Variants in NNT observed in about 807,000 individuals in gnomAD.
NNT encodes nicotinamide nucleotide transhydrogenase.
NNT carries 50 observed loss-of-function variants against 104.8 expected under a neutral mutation model. That is an observed-to-expected ratio of 0.48 (90% CI 0.38 to 0.60). The LOEUF is 0.60. Ranked by LOEUF, NNT falls within the 20% of genes least tolerant of loss-of-function variation. The pLI is 0.00. For missense variants in NNT, 1,131 were observed against 1,330.7 expected (o/e 0.85, Z 2.33); for synonymous variants, 461 against 490.4 (o/e 0.94, Z 0.79).
intron 7 of NNT, 22 bp from the exon 8 acceptor site, chr5:43,644,170 C>T (rs1388585550): frequency 2.5e-6 from 4 of 1,582,578 alleles, no homozygotes; most frequent in East Asian, 2.2e-5. Context: ...ACAAATTGTG[C>T]TGCTTTCTTT....
chr5:43,690,011 G>C (rs1450999898), intron 19 of NNT, among the ~76,000 whole-genome samples: 1 of 152,000 alleles, frequency 6.6e-6, no homozygotes, highest in Non-Finnish European at 1.5e-5. Context: ...CAAGAAGTTT[G>C]GAACTATATT....
At chr5:43,604,494 C>T (rs149862147) in intron 1 of NNT, among the ~76,000 whole-genome samples, 3 of 152,104 alleles carry the variant, frequency 2.0e-5, no homozygotes, top group African/African-American at 7.2e-5. Flanking sequence ...GGAAATTTTC[C>T]GAAAATCCTT....
At chr5:43,680,833 C>T (rs771444252) in intron 19 of NNT, among the ~76,000 whole-genome samples, 5 of 152,080 alleles carry the variant, frequency 3.3e-5, no homozygotes, top group Non-Finnish European at 7.4e-5. Context: ...GCTTACCTAA[C>T]TTCTGCTTGA....
At chr5:43,637,332 G>A (rs1580010522) in intron 7 of NNT, among the ~76,000 whole-genome samples, 1 of 152,186 alleles carries the variant, frequency 6.6e-6, no homozygotes, top group Non-Finnish European at 1.5e-5. Context: ...ATTCTCACAT[G>A]CATACATATA....
intron 7 of NNT, among the ~76,000 whole-genome samples, chr5:43,633,034 G>T (rs1333164356): frequency 1.3e-5 from 2 of 152,158 alleles, no homozygotes; most frequent in Non-Finnish European, 2.9e-5. Context: ...TGGAGCACAT[G>T]CTAAGTCCTA....
intron 17 of NNT, among the ~76,000 whole-genome samples, chr5:43,661,681 ATAGTT>A (rs1442054586): frequency 2.7e-5 from 4 of 149,468 alleles, no homozygotes; most frequent in African/African-American, 9.9e-5. Context: ...TGTTCTTGTG[ATAGTT>A]TACTGAGAAT....
intron 7 of NNT, among the ~76,000 whole-genome samples, chr5:43,630,936 TATGA>T (rs1365227416): frequency 6.6e-6 from 1 of 152,168 alleles, no homozygotes; most frequent in Non-Finnish European, 1.5e-5. Context: ...GTCATGAGGC[TATGA>T]AAGAGGAGAA....
At chr5:43,646,334 G>A (rs1210130218) in intron 10 of NNT, among the ~76,000 whole-genome samples, 7 of 152,094 alleles carry the variant, frequency 4.6e-5, no homozygotes, top group Non-Finnish European at 1.0e-4. Flanking sequence ...TGCTCAGGTA[G>A]GAGTGCAGTG....
chr5:43,621,590 C>T (rs550888045), intron 5 of NNT, among the ~76,000 whole-genome samples: 1 of 151,700 alleles, frequency 6.6e-6, no homozygotes, highest in African/African-American at 2.4e-5. Context: ...GGCAGGGTCT[C>T]ACTCTGCCTG....
At position 43,665,441 on chromosome 5, in the gene NNT, C is replaced by G. The variant is rs527962874; in HGVS notation, c.2634+6091C>G. 1.2e-4 allele frequency among the ~76,000 whole-genome samples: 18 copies of G among 151,984 alleles called. No individual in the cohort carries two copies. The Middle Eastern group carries it at 0.01, about 86-fold the overall frequency. Reference sequence around the variant, plus strand: ...ATTAGGGAGTGGTGATGACTCTTAACGAGCATGCTGCCTTCAAGCATCTGT... The same window carrying G: ...ATTAGGGAGTGGTGATGACTCTTAAGGAGCATGCTGCCTTCAAGCATCTGT... On this transcript the variant is annotated intron_variant, in intron 17 of 21. Coordinates refer to ENST00000344920, the MANE Select transcript of NNT (RefSeq NM_182977.3).
intron 10 of NNT, among the ~76,000 whole-genome samples, chr5:43,647,152 T>G (rs1235088794): frequency 6.6e-6 from 1 of 152,202 alleles, no homozygotes; most frequent in Non-Finnish European, 1.5e-5. Context: ...GTTTTAAAGC[T>G]AAACATGTAA....
At chr5:43,615,454 G>A (rs1488485073) in intron 3 of NNT, among the ~76,000 whole-genome samples, 1 of 152,216 alleles carries the variant, frequency 6.6e-6, no homozygotes, top group Non-Finnish European at 1.5e-5. Flanking sequence ...CTTGCTTGAA[G>A]GATTGAACAC....
upstream of NNT, chr5:43,602,873 T>G (rs575370584): frequency 6.6e-6 from 1 of 152,554 alleles, no homozygotes; most frequent in Admixed American, 6.5e-5. Context: ...AAACTTCAGC[T>G]GCCGCGTTTG....
intron 6 of NNT, among the ~76,000 whole-genome samples, 166 bp downstream of exon 6, chr5:43,624,286 A>G (rs2111654437): frequency 6.6e-6 from 1 of 152,342 alleles, no homozygotes; most frequent in Non-Finnish European, 1.5e-5. Context: ...CAAAGTGAAA[A>G]TGTATTACTT....
At chr5:43,615,771 A>T in intron 3 of NNT, 77 bp from the exon 4 acceptor site, 1 of 1,066,566 alleles carries the variant, frequency 9.4e-7, no homozygotes, top group Non-Finnish European at 1.4e-6. Flanking sequence ...ATGGCATATT[A>T]TCTAAGTTTT....
Position 43,704,987 on chromosome 5 carries a change from C to T in NNT, c.*583C>T, listed in dbSNP as rs1743041601. 6 of 152,222 alleles carry T rather than the reference C, an allele frequency of 3.9e-5. No homozygotes were observed. The highest frequency in any genetic ancestry group is 3.9e-4 in the Admixed American group (6 of 15,264). 9.4% of individuals were successfully genotyped at this position (152,222 alleles called of 1,614,324 possible). ...ATTTCAAGGGCACATTTTCTCACTA[C>T]TATTTTAATACATTAAAGGACTAAA... On this transcript the variant is annotated 3_prime_UTR_variant, in exon 22 of 22. Transcript: ENST00000344920.
intron 10 of NNT, 128 bp from the exon 11 acceptor site, chr5:43,649,019 C>T: frequency 1.6e-5 from 17 of 1,056,126 alleles, no homozygotes; most frequent in Non-Finnish European, 2.3e-5. Context: ...TCTAAAAAAT[C>T]TGCTCATTAC....
intron 17 of NNT, among the ~76,000 whole-genome samples, chr5:43,671,238 A>G (rs1200696629): frequency 2.0e-5 from 3 of 152,124 alleles, no homozygotes; most frequent in African/African-American, 7.2e-5. Context: ...TCTTTATCCA[A>G]TTTGCCAGTC....
At position 43,609,336 on chromosome 5, in the gene NNT, T is replaced by G. The variant is rs143463864; in HGVS notation, c.141T>G (p.Pro47=). ...YTHQELWCKA[P]VKPGIPYKQL... ...ACCAAGAACTGTGGTGTAAAGCGCC[T>G]GTAAAACCAGGTAAAGTCTCACTTC... The change falls in exon 2 of 22, where the codon CCT becomes CCG. Residue 47 remains proline (P), a synonymous_variant. Coordinates refer to ENST00000344920, the MANE Select transcript of NNT (RefSeq NM_182977.3). 31 of 1,613,724 alleles carry G rather than the reference T, an allele frequency of 1.9e-5. No homozygotes were observed. In the African/African-American group the frequency reaches 4.0e-4, roughly 21 times the overall value.
Sources: allele counts gnomAD v4.1 joint callset (sites outside exome capture counted in the v4.1 genomes callset), GRCh38; gene constraint gnomAD v4.1.1; transcripts MANE v1.5; gene names NCBI Gene and HGNC (gene_info 2026-07-23, HGNC 2026-07-21).